Variants in IPCEF1 observed in about 807,000 individuals in gnomAD.
IPCEF1 encodes interactor protein for cytohesin exchange factors 1.
In IPCEF1, 31 loss-of-function variants were observed where a neutral mutation model predicts 50.9. The observed-to-expected ratio is 0.61, with a 90% CI of 0.46 to 0.82. The LOEUF (loss-of-function observed/expected upper bound fraction) is 0.82. Among genes scored for constraint, IPCEF1 ranks in the 40% least tolerant of loss-of-function variants. The pLI, the probability that IPCEF1 is intolerant of heterozygous loss-of-function variation, is 0.00. For missense variants in IPCEF1, 458 were observed against 514.0 expected (o/e 0.89, Z 1.05); for synonymous variants, 181 against 192.0 (o/e 0.94, Z 0.47).
At chr6:154,166,010 G>T (rs1242503842) in intron 11 of IPCEF1, among the ~76,000 whole-genome samples, 1 of 152,220 alleles carries the variant, frequency 6.6e-6, no homozygotes, top group Non-Finnish European at 1.5e-5. Flanking sequence ...CTCCATGGAG[G>T]AATGAATGCA....
At chr6:154,316,102 C>T (rs1783210769) in intron 1 of IPCEF1, among the ~76,000 whole-genome samples, 1 of 152,174 alleles carries the variant, frequency 6.6e-6, no homozygotes, top group Non-Finnish European at 1.5e-5. Context: ...AAGCAATCTG[C>T]CTGCCTCAGC....
At chr6:154,348,842 A>G (rs934539439) in intron 1 of IPCEF1, among the ~76,000 whole-genome samples, 1 of 152,212 alleles carries the variant, frequency 6.6e-6, no homozygotes, top group Non-Finnish European at 1.5e-5. Context: ...ATGTTCAAGA[A>G]ATGGATGAGA....
chr6:154,319,504 C>T (rs1025146256), intron 1 of IPCEF1, among the ~76,000 whole-genome samples: 5 of 152,162 alleles, frequency 3.3e-5, no homozygotes, highest in Non-Finnish European at 5.9e-5. Flanking sequence ...ATGTTTTCCA[C>T]ATAAAGAAAA....
intron 1 of IPCEF1, among the ~76,000 whole-genome samples, chr6:154,325,685 T>G (rs1208133893): frequency 6.6e-6 from 1 of 152,194 alleles, no homozygotes; most frequent in Non-Finnish European, 1.5e-5. Context: ...ATAATAAAAA[T>G]CTTTAATCCT....
At chr6:154,266,928 A>G (rs1172819589) in intron 2 of IPCEF1, among the ~76,000 whole-genome samples, 1 of 152,260 alleles carries the variant, frequency 6.6e-6, no homozygotes, top group East Asian at 1.9e-4. Context: ...CAGCTTTTCA[A>G]CTTCATCCCA....
At chr6:154,320,432 G>A (rs555048117) in intron 1 of IPCEF1, among the ~76,000 whole-genome samples, 3 of 152,234 alleles carry the variant, frequency 2.0e-5, no homozygotes, top group Admixed American at 1.3e-4. Context: ...GGCCTCAACC[G>A]CCCTGAGGAA....
chr6:154,169,463 A>G (rs897842950), intron 10 of IPCEF1, among the ~76,000 whole-genome samples: 1 of 152,198 alleles, frequency 6.6e-6, no homozygotes, highest in African/African-American at 2.4e-5. Flanking sequence ...AACCCATGCA[A>G]GTCGACAAAT....
chr6:154,198,954 C>T (rs1458383987), intron 10 of IPCEF1, among the ~76,000 whole-genome samples: 1 of 152,194 alleles, frequency 6.6e-6, no homozygotes, highest in Admixed American at 6.5e-5. Flanking sequence ...ATGAATAGCG[C>T]ACAATCAGAA....
chr6:154,247,184 T>C, intron 4 of IPCEF1: 1 of 484,496 alleles, frequency 2.1e-6, no homozygotes, highest in South Asian at 3.4e-5. Flanking sequence ...GAAGGGTTAA[T>C]GCCCACCTCA....
At chr6:154,334,566 G>T (rs1449321915) in intron 1 of IPCEF1, among the ~76,000 whole-genome samples, 1 of 152,194 alleles carries the variant, frequency 6.6e-6, no homozygotes, top group African/African-American at 2.4e-5. Context: ...AGGAGCAGAA[G>T]ATCAATAGAC....
intron 5 of IPCEF1, among the ~76,000 whole-genome samples, chr6:154,234,102 G>A (rs1439781163): frequency 6.6e-6 from 1 of 152,180 alleles, no homozygotes; most frequent in African/African-American, 2.4e-5. Context: ...CAATTATGCA[G>A]GAAGCTGAGG....
At chr6:154,221,850 G>A (rs1243617258) in intron 6 of IPCEF1, among the ~76,000 whole-genome samples, 1 of 152,036 alleles carries the variant, frequency 6.6e-6, no homozygotes, top group Non-Finnish European at 1.5e-5. Flanking sequence ...CTCCAGTCTG[G>A]GTGACAGAGG....
At chr6:154,179,023 T>A (rs1489605110) in intron 10 of IPCEF1, among the ~76,000 whole-genome samples, 1 of 152,230 alleles carries the variant, frequency 6.6e-6, no homozygotes, top group Non-Finnish European at 1.5e-5. Flanking sequence ...ACTCAGGGGA[T>A]GCACTGTGCC....
intron 1 of IPCEF1, among the ~76,000 whole-genome samples, chr6:154,324,572 C>A (rs1049444258): frequency 6.6e-6 from 1 of 152,216 alleles, no homozygotes; most frequent in Admixed American, 6.5e-5. Context: ...TTTTGGGAGG[C>A]CAAGGCGGGC....
intron 1 of IPCEF1, among the ~76,000 whole-genome samples, chr6:154,327,306 A>T (rs1337951317): frequency 6.6e-6 from 1 of 152,226 alleles, no homozygotes; most frequent in African/African-American, 2.4e-5. Context: ...AAATTTCTGC[A>T]ATCTATCCAT....
intron 7 of IPCEF1, 124 bp from the exon 8 acceptor site, chr6:154,214,400 G>A (rs1004710166): frequency 2.6e-6 from 2 of 764,556 alleles, no homozygotes; most frequent in African/African-American, 3.4e-5. Flanking sequence ...TTTCCAGAAA[G>A]AGCATAAGTT....
At chr6:154,326,108 C>G (rs1783511320) in intron 1 of IPCEF1, among the ~76,000 whole-genome samples, 1 of 151,702 alleles carries the variant, frequency 6.6e-6, no homozygotes, top group South Asian at 2.1e-4. Flanking sequence ...TGCCTGTGGT[C>G]CCAGCTACTT....
chr6:154,189,885 A>C (rs1328666311), intron 10 of IPCEF1, among the ~76,000 whole-genome samples: 1 of 152,060 alleles, frequency 6.6e-6, no homozygotes, highest in East Asian at 1.9e-4. Context: ...TGGAGGTTGC[A>C]GTGAGCCGAG....
chr6:154,350,477 G>A (rs567607321), intron 1 of IPCEF1, among the ~76,000 whole-genome samples: 4 of 152,176 alleles, frequency 2.6e-5, no homozygotes, highest in Non-Finnish European at 4.4e-5. Context: ...CAATGATGAA[G>A]TGACTCTACT....
Sources: gnomAD v4.1 joint callset for allele counts (sites outside exome capture counted in the v4.1 genomes callset) on GRCh38, gnomAD v4.1.1 for gene constraint, MANE v1.5 for transcripts, NCBI Gene and HGNC (gene_info 2026-07-23, HGNC 2026-07-21) for gene names.